TNNI3K: variants seen among roughly 807,000 people sequenced by gnomAD.
TNNI3K encodes the protein TNNI3 interacting kinase, also known as serine/threonine-protein kinase TNNI3K.
TNNI3K carries 140 observed loss-of-function variants against 114.5 expected under a neutral mutation model. The observed-to-expected ratio is 1.22, with a 90% CI of 1.07 to 1.41. TNNI3K has a LOEUF of 1.41. Ranked by LOEUF, TNNI3K falls within the 40% of genes most tolerant of loss-of-function variation. The pLI is 0.00. For missense variants in TNNI3K, 1,125 were observed against 1,007.6 expected, an observed-to-expected ratio of 1.12 and a Z score of -1.58; for synonymous variants, 347 against 347.5, an observed-to-expected ratio of 1.00 and a Z score of 0.02.
chr1:74,256,838 A>G (rs1488333490), intron 4 of TNNI3K, among the ~76,000 whole-genome samples: 1 of 152,148 alleles, frequency 6.6e-6, no homozygotes, highest in Admixed American at 6.5e-5. Flanking sequence ...TTTGTGTTAA[A>G]CATTTATATC....
chr1:74,383,645 A>G (rs1663319405), intron 17 of TNNI3K, among the ~76,000 whole-genome samples: 1 of 152,136 alleles, frequency 6.6e-6, no homozygotes, highest in African/African-American at 2.4e-5. Context: ...TAATTGGTAC[A>G]GGAGCTGTGG....
chr1:74,430,157 G>T (rs1665824694), intron 17 of TNNI3K, among the ~76,000 whole-genome samples: 1 of 152,116 alleles, frequency 6.6e-6, no homozygotes, highest in Admixed American at 6.5e-5. Flanking sequence ...AGCTCTGGAA[G>T]AAAATCAGAA....
At position 74,410,149 on chromosome 1, in the gene TNNI3K, A is replaced by T. The variant is rs150573690; in HGVS notation, c.1773-25931A>T. Among the ~76,000 whole-genome samples the T allele has an allele frequency of 2.6e-3, 397 of 152,316 alleles. 2 individuals carry two copies. The highest frequency in any genetic ancestry group is 9.3e-3 in the African/African-American group (387 of 41,582). Reference sequence around the variant, plus strand: ...AATTCTATATGACAAATTAATTCTGATAAAATATACAAGAGGACCCAGGCT... The same window carrying T: ...AATTCTATATGACAAATTAATTCTGTTAAAATATACAAGAGGACCCAGGCT... On this transcript the variant is annotated intron_variant, in intron 17 of 24. Transcript: ENST00000326637.
At chr1:74,540,973 T>A (rs960969242) in intron 24 of TNNI3K, among the ~76,000 whole-genome samples, 1 of 152,178 alleles carries the variant, frequency 6.6e-6, no homozygotes, top group Non-Finnish European at 1.5e-5. Context: ...TATCATCAGC[T>A]GCGATATCAA....
At chr1:74,386,150 G>C (rs1011014319) in intron 17 of TNNI3K, among the ~76,000 whole-genome samples, 6 of 152,142 alleles carry the variant, frequency 3.9e-5, no homozygotes, top group African/African-American at 1.4e-4. Flanking sequence ...CACCATGATT[G>C]TGAGGCCTCC....
In TNNI3K at chr1:74,405,900, T is replaced by C. The variant is rs527363566; in HGVS notation, c.1773-30180T>C. Among the ~76,000 whole-genome samples, 9 of 152,352 alleles carry C rather than the reference T, an allele frequency of 5.9e-5. No individual in the cohort carries two copies. The South Asian group carries it at 1.9e-3, about 32-fold the overall frequency. On this transcript the variant is annotated intron_variant, in intron 17 of 24. Transcript: ENST00000326637. Reference sequence around the variant, plus strand: ...TGCTTACTATAAGCATGTTCACATTTAGTTATATTCACGTATTAGGTTTTC... The same window carrying C: ...TGCTTACTATAAGCATGTTCACATTCAGTTATATTCACGTATTAGGTTTTC...
chr1:74,312,126 A>T (rs1005733653), intron 5 of TNNI3K, among the ~76,000 whole-genome samples: 1 of 152,168 alleles, frequency 6.6e-6, no homozygotes, highest in African/African-American at 2.4e-5. Flanking sequence ...TTATTCATTC[A>T]TTTTTTAAAA....
intron 23 of TNNI3K, among the ~76,000 whole-genome samples, 183 bp downstream of exon 23, chr1:74,492,449 C>T (rs898953809): frequency 3.9e-5 from 6 of 152,130 alleles, no homozygotes; most frequent in African/African-American, 1.4e-4. Context: ...ATCTGTTAGC[C>T]TAGGTCCTCT....
At chr1:74,471,043 T>C (rs1667902251) in intron 21 of TNNI3K, 1 of 400,698 alleles carries the variant, frequency 2.5e-6, no homozygotes, top group Non-Finnish European at 4.4e-6. Flanking sequence ...TTCCATTTGC[T>C]CAGTTGAGAA....
chr1:74,245,265 G>A (rs1654484769), intron 2 of TNNI3K, among the ~76,000 whole-genome samples: 1 of 152,176 alleles, frequency 6.6e-6, no homozygotes, highest in South Asian at 2.1e-4. Context: ...ACAGATAAAG[G>A]TCTAAACTCT....
chr1:74,302,042 G>A lies in TNNI3K; in HGVS notation c.445-29408G>A, dbSNP rs116466877. Among the ~76,000 whole-genome samples the A allele has an allele frequency of 4.8e-3, 736 of 152,298 alleles. 8 individuals are homozygous for A. Among genetic ancestry groups the A allele is most frequent in the African/African-American group, 0.017 (690 of 41,546 alleles). On this transcript the variant is annotated intron_variant, in intron 5 of 24. Coordinates refer to ENST00000326637, the MANE Select transcript of TNNI3K (RefSeq NM_015978.3). ...AGATGTTGCATTTTTATAAATTGAA[G>A]GTTAGTGGCAGCTCTGCATCAGTCC... is the stretch of plus-strand genomic sequence containing the variant.
chr1:74,242,380 C>T (rs188231326), intron 2 of TNNI3K, among the ~76,000 whole-genome samples: 103 of 152,230 alleles, frequency 6.8e-4, no homozygotes, highest in African/African-American at 2.3e-3. Context: ...TACCTTTTCT[C>T]TCTGAAAAGT....
chr1:74,347,432 G>C (rs578059772), intron 9 of TNNI3K, among the ~76,000 whole-genome samples: 1 of 152,080 alleles, frequency 6.6e-6, no homozygotes, highest in African/African-American at 2.4e-5. Flanking sequence ...CCAAGTCTTT[G>C]CTATTGTGAA....
intron 17 of TNNI3K, among the ~76,000 whole-genome samples, chr1:74,382,738 A>G (rs1033032475): frequency 6.6e-6 from 1 of 152,212 alleles, no homozygotes; most frequent in African/African-American, 2.4e-5. Flanking sequence ...CCCTCATTTA[A>G]TGGTTTTAGC....
intron 21 of TNNI3K, among the ~76,000 whole-genome samples, chr1:74,488,024 T>C (rs1234957042): frequency 3.3e-5 from 5 of 151,884 alleles, no homozygotes; most frequent in African/African-American, 1.2e-4. Context: ...TGGAGAAGAG[T>C]AGGCAAAGGA....
chr1:74,350,123 C>T (rs1490553529), intron 9 of TNNI3K, among the ~76,000 whole-genome samples: 1 of 151,982 alleles, frequency 6.6e-6, no homozygotes, highest in African/African-American at 2.4e-5. Flanking sequence ...CTATAAATTT[C>T]CCTCTACACA....
Position 74,384,923 on chromosome 1 carries a change from T to G in TNNI3K, c.1772+14531T>G, listed in dbSNP as rs1468990733. On this transcript the variant is annotated intron_variant, in intron 17 of 24. Coordinates refer to ENST00000326637, the MANE Select transcript of TNNI3K (RefSeq NM_015978.3). ...GTCTCTGATAAGGATTTTTGTTATT[T>G]TTAAATATTCCTTATGGTTTCAACA... is the stretch of plus-strand genomic sequence containing the variant. 2.0e-5 allele frequency among the ~76,000 whole-genome samples: 3 copies of G among 152,166 alleles called. No homozygotes were observed. In the East Asian group the frequency reaches 5.8e-4, roughly 29 times the overall value.
rs201823424 is a variant in TNNI3K, at chr1:74,289,279, AATG to A, written c.444+17577_444+17579del. On this transcript the variant is annotated intron_variant, in intron 5 of 24. Transcript: ENST00000326637. ...TTTGATTTTTAAAAATTAATTAAAA[AATG>A]ATGATCACATTTTGTCTTTAAAAAT... Among the ~76,000 whole-genome samples, 689 of 152,126 alleles carry A rather than the reference AATG, an allele frequency of 4.5e-3. 4 individuals carry two copies. The highest frequency in any genetic ancestry group is 0.015 in the African/African-American group (615 of 41,554).
chr1:74,254,097 A>G (rs1242728922), intron 4 of TNNI3K, among the ~76,000 whole-genome samples: 8 of 152,354 alleles, frequency 5.3e-5, no homozygotes, highest in Admixed American at 5.2e-4. Context: ...AGACAATTGC[A>G]AGAATAGTAC....
Sources: allele counts gnomAD v4.1 joint callset (sites outside exome capture counted in the v4.1 genomes callset), GRCh38; gene constraint gnomAD v4.1.1; transcripts MANE v1.5; gene names NCBI Gene and HGNC (gene_info 2026-07-23, HGNC 2026-07-21).